The following RANBP2 variants were observed in gnomAD, a reference collection of about 807,000 sequenced individuals.
RANBP2 encodes the protein E3 SUMO-protein ligase RanBP2.
Under a neutral mutation model 303.6 loss-of-function variants are expected in RANBP2, and 57 were observed. That is an observed-to-expected ratio of 0.19 (90% CI 0.15 to 0.23). RANBP2 has a LOEUF of 0.23. RANBP2 is among the 10% of genes least tolerant of loss of function. The probability of loss-of-function intolerance (pLI) is 1.00; values close to 1 mark genes in which losing one functional copy is unlikely to be tolerated. For synonymous variants in RANBP2, 1,167 were observed against 1,301.5 expected (o/e 0.90, Z 2.23); for missense variants, 3,138 against 3,780.8 (o/e 0.83, Z 4.46).
chr2:109,683,936 T>C, the RANBP2 span, among the ~76,000 whole-genome samples: 1 of 144,786 alleles, frequency 6.9e-6, no homozygotes, highest in Admixed American at 7.2e-5. Flanking sequence ...CAAATATTAT[T>C]AGAAGCAAAA....
chr2:109,219,289 C>A, the RANBP2 span, among the ~76,000 whole-genome samples: 5 of 136,526 alleles, frequency 3.7e-5, no homozygotes, highest in Admixed American at 1.6e-4. Context: ...AGTATTATTT[C>A]CAAAACATTT....
the RANBP2 span, among the ~76,000 whole-genome samples, chr2:109,731,726 A>AT: frequency 6.6e-6 from 1 of 151,742 alleles, no homozygotes; most frequent in East Asian, 1.9e-4. Flanking sequence ...ACCTCAGGTG[A>AT]TCCCCCCAGC....
chr2:109,601,832 C>A, the RANBP2 span, among the ~76,000 whole-genome samples: 1 of 151,296 alleles, frequency 6.6e-6, no homozygotes, highest in South Asian at 2.1e-4. Context: ...TAATACTCTA[C>A]AAGTTACTTT....
the RANBP2 span, among the ~76,000 whole-genome samples, chr2:109,257,427 G>A: frequency 8.9e-4 from 135 of 152,008 alleles, no homozygotes; most frequent in Non-Finnish European, 1.6e-3. Flanking sequence ...AAGGAAGGGA[G>A]GAAGGGACGG....
At chr2:109,766,317 C>G in the RANBP2 span, among the ~76,000 whole-genome samples, 6 of 150,908 alleles carry the variant, frequency 4.0e-5, no homozygotes, top group Non-Finnish European at 7.4e-5. Context: ...AGTGTTGCAT[C>G]CGCTGTGGAG....
the RANBP2 span, among the ~76,000 whole-genome samples, chr2:109,439,037 A>G: frequency 6.6e-6 from 1 of 152,164 alleles, no homozygotes; most frequent in Non-Finnish European, 1.5e-5. Flanking sequence ...AGCCAGTATA[A>G]TGGTCTTTCC....
chr2:109,269,733 C>T, the RANBP2 span, among the ~76,000 whole-genome samples: 2 of 152,174 alleles, frequency 1.3e-5, no homozygotes, highest in Non-Finnish European at 2.9e-5. Flanking sequence ...GAGGTGAGAT[C>T]GTGCCACTGC....
chr2:109,615,145 G>A, the RANBP2 span: 7 of 1,549,504 alleles, frequency 4.5e-6, no homozygotes, highest in African/African-American at 9.6e-5. Flanking sequence ...CTGAAGAGGA[G>A]CGTGTGTCCC....
the RANBP2 span, among the ~76,000 whole-genome samples, chr2:108,852,737 C>T: frequency 6.6e-6 from 1 of 152,060 alleles, no homozygotes; most frequent in South Asian, 2.1e-4. Context: ...ACAACACACA[C>T]TGGGGCCTAT....
At chr2:109,356,458 G>A in the RANBP2 span, among the ~76,000 whole-genome samples, 4 of 152,170 alleles carry the variant, frequency 2.6e-5, no homozygotes, top group Non-Finnish European at 5.9e-5. Context: ...CACGACACTC[G>A]ACATGCTTGG....
the RANBP2 span, among the ~76,000 whole-genome samples, chr2:108,835,317 G>A: frequency 4.6e-5 from 7 of 152,184 alleles, no homozygotes; most frequent in East Asian, 9.6e-4. Flanking sequence ...ATTGAGTGCT[G>A]TTCTTATTCA....
At chr2:108,897,938 T>C in the RANBP2 span, among the ~76,000 whole-genome samples, 1 of 152,110 alleles carries the variant, frequency 6.6e-6, no homozygotes, top group African/African-American at 2.4e-5. Flanking sequence ...AGGATGGTGA[T>C]GGTGGTAAGT....
chr2:109,574,220 C>G, the RANBP2 span, among the ~76,000 whole-genome samples: 2 of 151,592 alleles, frequency 1.3e-5, no homozygotes, highest in Admixed American at 6.6e-5. Context: ...AGGAAAATCA[C>G]TTAAGTCCAG....
chr2:108,972,775 G>A, the RANBP2 span, among the ~76,000 whole-genome samples: 1 of 152,182 alleles, frequency 6.6e-6, no homozygotes, highest in Non-Finnish European at 1.5e-5. Flanking sequence ...AGACTCAGAA[G>A]GGGGTGAGGA....
At chr2:109,441,562 T>C in the RANBP2 span, among the ~76,000 whole-genome samples, 1 of 152,218 alleles carries the variant, frequency 6.6e-6, no homozygotes, top group Non-Finnish European at 1.5e-5. Context: ...GGGACAACTT[T>C]AAGTGGCCTA....
At chr2:109,696,689 T>C in the RANBP2 span, among the ~76,000 whole-genome samples, 1 of 152,248 alleles carries the variant, frequency 6.6e-6, no homozygotes, top group Non-Finnish European at 1.5e-5. Flanking sequence ...TTATCGGAAT[T>C]GTATTAAATC....
the RANBP2 span, among the ~76,000 whole-genome samples, chr2:109,286,085 A>G: frequency 2.6e-5 from 4 of 152,306 alleles, no homozygotes; most frequent in East Asian, 3.9e-4. Flanking sequence ...TCAGGTGCCT[A>G]TCATTACATG....
the RANBP2 span, among the ~76,000 whole-genome samples, chr2:109,137,370 A>C: frequency 6.6e-6 from 1 of 152,194 alleles, no homozygotes; most frequent in East Asian, 1.9e-4. Flanking sequence ...GCTTTCTGAG[A>C]GCAGCTTGGT....
the RANBP2 span, among the ~76,000 whole-genome samples, chr2:109,201,097 C>T: frequency 1.3e-5 from 2 of 152,226 alleles, no homozygotes; most frequent in Non-Finnish European, 2.9e-5. Flanking sequence ...AGTTCTCTCC[C>T]CTGTCCCTCA....
Sources: allele counts gnomAD v4.1 joint callset (sites outside exome capture counted in the v4.1 genomes callset), GRCh38; gene constraint gnomAD v4.1.1; transcripts MANE v1.5; gene names NCBI Gene and HGNC (gene_info 2026-07-23, HGNC 2026-07-21).